GLDC: variants seen among roughly 807,000 people sequenced by gnomAD.
GLDC encodes the protein glycine decarboxylase.
Under a neutral mutation model 121.3 loss-of-function variants are expected in GLDC, and 104 were observed. That is an observed-to-expected ratio of 0.86 (90% confidence interval 0.73 to 1.01). The LOEUF (loss-of-function observed/expected upper bound fraction) is 1.01. GLDC is among the 50% of genes least tolerant of loss of function. The pLI is 0.00. For missense variants in GLDC, 1,429 were observed against 1,306.6 expected (o/e 1.09, Z -1.44); for synonymous variants, 546 against 480.6 (o/e 1.14, Z -1.78).
rs73400312 is a variant in GLDC, at chr9:6,592,868, G to T, written c.1384C>A (p.Leu462Ile). 6.2e-7 allele frequency: 1 copy of T among 1,613,416 alleles called. No individual in the cohort carries two copies. The highest frequency in any genetic ancestry group is 8.5e-7 in the Non-Finnish European group (1 of 1,179,948). Residue 462 changes from leucine to isoleucine, a missense_variant, in exon 10 of 25, where the codon CTT becomes ATT. Coordinates refer to ENST00000321612, the MANE Select transcript of GLDC (RefSeq NM_000170.3). ...RAAQRQINFR[L>I]FEDGTLGISL... ...TGACTTACTGTGCCATCCTCAAAAAGCCGAAAATTGATCTGCCGCTGAGCG... is the reference window on the plus strand; with the variant it reads ...TGACTTACTGTGCCATCCTCAAAAATCCGAAAATTGATCTGCCGCTGAGCG...
intron 21 of GLDC, 52 bp from the exon 22 acceptor site, chr9:6,540,198 C>A (rs1346628583): frequency 1.8e-6 from 2 of 1,116,682 alleles, no homozygotes. Flanking sequence ...TATTGTTTTA[C>A]CCAAACAAAT....
chr9:6,565,498 T>A, intron 15 of GLDC, 69 bp from the exon 16 acceptor site: 1 of 1,241,952 alleles, frequency 8.1e-7, no homozygotes, highest in South Asian at 1.2e-5. Flanking sequence ...TCAATATTTA[T>A]TGGGCCCTGG....
chr9:6,544,849 C>T (rs1156307875), intron 21 of GLDC, among the ~76,000 whole-genome samples: 3 of 152,114 alleles, frequency 2.0e-5, no homozygotes, highest in Non-Finnish European at 2.9e-5. Context: ...CCTGTAATCC[C>T]AGCACTTTGG....
chr9:6,604,882 G>C (rs149137237), intron 6 of GLDC, 98 bp from the exon 7 acceptor site: 1 of 1,039,732 alleles, frequency 9.6e-7, no homozygotes, highest in Non-Finnish European at 1.5e-6. Context: ...GACGGGCAGA[G>C]TGTGTTCACA....
chr9:6,585,878 A>ATCTG (rs1430595277), intron 15 of GLDC, among the ~76,000 whole-genome samples: 3 of 116,112 alleles, frequency 2.6e-5, no homozygotes, highest in African/African-American at 9.3e-5. Context: ...GTATCTATCT[A>ATCTG]TCTATCTATC....
intron 2 of GLDC, among the ~76,000 whole-genome samples, chr9:6,625,781 G>C (rs922575090): frequency 6.6e-6 from 1 of 151,978 alleles, no homozygotes; most frequent in African/African-American, 2.4e-5. Context: ...CCCACTGATA[G>C]GAAAGGTGGG....
At chr9:6,584,324 C>A (rs1371999364) in intron 15 of GLDC, among the ~76,000 whole-genome samples, 1 of 152,176 alleles carries the variant, frequency 6.6e-6, no homozygotes, top group Non-Finnish European at 1.5e-5. Flanking sequence ...GAAATTCTCC[C>A]TCTGTGCAGA....
intron 2 of GLDC, among the ~76,000 whole-genome samples, chr9:6,627,617 G>C (rs1002473644): frequency 6.6e-6 from 1 of 152,030 alleles, no homozygotes; most frequent in Non-Finnish European, 1.5e-5. Context: ...GGACATTTTC[G>C]AGCCATTAAG....
At chr9:6,586,393 A>AT (rs1394089424) in intron 15 of GLDC, among the ~76,000 whole-genome samples, 2 of 152,188 alleles carry the variant, frequency 1.3e-5, no homozygotes, top group Non-Finnish European at 2.9e-5. Flanking sequence ...CGGAGTTTGT[A>AT]TTTTTAACAA....
At position 6,540,050 on chromosome 9, in the gene GLDC, C is replaced by G. The variant is rs149070244; in HGVS notation, c.2665+1G>C. 71 of 1,595,528 alleles carry G rather than the reference C, an allele frequency of 4.4e-5. No homozygotes were observed. Among genetic ancestry groups the G allele is most frequent in the Non-Finnish European group, 5.6e-5 (65 of 1,163,502 alleles). On this transcript the variant is annotated splice_donor_variant, in intron 22 of 24. Coordinates refer to ENST00000321612, the MANE Select transcript of GLDC (RefSeq NM_000170.3). LOFTEE classifies it high-confidence loss of function. ...CGGCATGAATGTCAAAAGCCACTTA[C>G]CATAATCCTGGAGTCTCTTGGCCAC...
intron 2 of GLDC, among the ~76,000 whole-genome samples, chr9:6,637,750 AGC>A (rs1257212090): frequency 6.6e-6 from 1 of 152,162 alleles, no homozygotes. Context: ...TACAGGCATG[AGC>A]CACTGTGCCC....
intron 15 of GLDC, among the ~76,000 whole-genome samples, chr9:6,575,963 G>T (rs1226279112): frequency 6.6e-6 from 1 of 152,146 alleles, no homozygotes; most frequent in Non-Finnish European, 1.5e-5. Context: ...AACCCTCCCC[G>T]GGGTTTATGG....
chr9:6,589,412 CTTATTTAT>C (rs200773458), intron 11 of GLDC, 120 bp from the exon 12 acceptor site: 77 of 454,314 alleles, frequency 1.7e-4, no homozygotes, highest in African/African-American at 6.1e-4. Context: ...TATAATTTTA[CTTATTTAT>C]TTATTTATTT....
intron 15 of GLDC, among the ~76,000 whole-genome samples, chr9:6,584,622 A>G (rs138381691): frequency 6.6e-6 from 1 of 152,328 alleles, no homozygotes; most frequent in East Asian, 1.9e-4. Flanking sequence ...AAATTGCTTT[A>G]CTCACCAGAA....
chr9:6,544,057 A>C (rs1265341202), intron 21 of GLDC, among the ~76,000 whole-genome samples: 2 of 152,220 alleles, frequency 1.3e-5, no homozygotes, highest in African/African-American at 4.8e-5. Flanking sequence ...ACCAGACCTT[A>C]CTTATCCCCC....
intron 2 of GLDC, among the ~76,000 whole-genome samples, chr9:6,641,181 A>T (rs1377086350): frequency 1.3e-5 from 2 of 152,222 alleles, no homozygotes; most frequent in Non-Finnish European, 2.9e-5. Context: ...CTGTCCGGCC[A>T]TTCTGTCCTA....
chr9:6,582,257 G>A (rs1461862836), intron 15 of GLDC, among the ~76,000 whole-genome samples: 2 of 140,796 alleles, frequency 1.4e-5, no homozygotes, highest in Non-Finnish European at 3.0e-5. Context: ...GGTGTCTCAC[G>A]CCTGTAACCC....
Position 6,620,241 on chromosome 9 carries a change from T to C in GLDC, c.413A>G (p.Tyr138Cys). 6.2e-7 allele frequency: 1 copy of C among 1,613,606 alleles called. No homozygotes were observed. The highest frequency in any genetic ancestry group is 8.5e-7 in the Non-Finnish European group (1 of 1,179,502). ...CGTCTGTGGCACTGAGCAGTTATAATAGCCCATGCCAATATACGATCTCCA... is the reference window on the plus strand; with the variant it reads ...CGTCTGTGGCACTGAGCAGTTATAACAGCCCATGCCAATATACGATCTCCA... Reference protein sequence around the residue: ...QIWRSYIGMGYYNCSVPQTIL... With the variant: ...QIWRSYIGMGCYNCSVPQTIL... Residue 138 changes from tyrosine (Y) to cysteine (C), a missense_variant, in exon 3 of 25, where the codon TAT becomes TGT. Coordinates refer to ENST00000321612, the MANE Select transcript of GLDC (RefSeq NM_000170.3).
At chr9:6,572,651 A>G (rs540528827) in intron 15 of GLDC, among the ~76,000 whole-genome samples, 3 of 152,242 alleles carry the variant, frequency 2.0e-5, no homozygotes, top group Non-Finnish European at 4.4e-5. Context: ...GGACAGTTCC[A>G]TATTTCCCAC....
Sources: gnomAD v4.1 joint callset for allele counts (sites outside exome capture counted in the v4.1 genomes callset) on GRCh38, gnomAD v4.1.1 for gene constraint, MANE v1.5 for transcripts, NCBI Gene and HGNC (gene_info 2026-07-23, HGNC 2026-07-21) for gene names.